The following KDM2B variants were observed in gnomAD, a reference collection of about 807,000 sequenced individuals.
KDM2B encodes the protein lysine demethylase 2B.
A neutral mutation model predicts 150.0 loss-of-function variants in KDM2B; 26 were observed. The ratio of observed to expected loss-of-function variants is 0.17; its 90% CI spans 0.13 to 0.24. KDM2B has a LOEUF of 0.24. Ranked by LOEUF, KDM2B falls within the 10% of genes least tolerant of loss-of-function variation. The pLI is 1.00. For synonymous variants in KDM2B, 734 were observed against 729.5 expected (o/e 1.01, Z -0.10); for missense variants, 1,265 against 1,816.9 (o/e 0.70, Z 5.52).
intron 11 of KDM2B, among the ~76,000 whole-genome samples, chr12:121,497,223 G>A (rs930232349): frequency 1.3e-5 from 2 of 152,204 alleles, no homozygotes; most frequent in African/African-American, 2.4e-5. Flanking sequence ...TTTATAAAGT[G>A]TCTTTATTCA....
At position 121,430,449 on chromosome 12, in the gene KDM2B, G is replaced by C; in HGVS notation, c.3850C>G (p.Gln1284Glu). The C allele has an allele frequency of 1.9e-6, 3 of 1,613,892 alleles. No homozygotes were observed. Among genetic ancestry groups the C allele is most frequent in the African/African-American group, 2.7e-5 (2 of 75,016 alleles). ...CAGCGTTTGAAGAAGGACAGGCACT[G>C]ATCAGTGACCTTATTGCAGTCTGCA... ...NLSDCNKVTD[Q>E]CLSFFKRCGN... The change falls in exon 23 of 23, where the codon CAG becomes GAG. Residue 1284 changes from glutamine (Q) to glutamate (E), a missense_variant. Around this residue, in one of 11 missense-constraint regions of KDM2B, gnomAD observed 251 missense variants for 397.8 expected, o/e 0.63. Transcript: ENST00000377071. This position sits in a 1 kb window ranked among gnomAD's most constrained non-coding sequence, Gnocchi z 4.4.
chr12:121,538,472 T>C (rs1180631375), intron 6 of KDM2B, among the ~76,000 whole-genome samples: 1 of 152,156 alleles, frequency 6.6e-6, no homozygotes, highest in Admixed American at 6.5e-5. Flanking sequence ...TTCCCCTCTC[T>C]GAACAGCATC....
At position 121,430,294 on chromosome 12, in the gene KDM2B, C is replaced by T; in HGVS notation, c.4005G>A (p.Leu1335=). The change falls in exon 23 of 23, where the codon CTG becomes CTA. Residue 1335 remains leucine (L), a synonymous_variant. Transcript: ENST00000377071. This position sits in a 1 kb window ranked among gnomAD's most constrained non-coding sequence, Gnocchi z 4.4. ...GQVEEKLLQK[L]S ...TTACATACTTATCCTTGGACTAACTCAGTTTTTGCAGGAGTTTTTCTTCTA... is the reference window on the plus strand; with the variant it reads ...TTACATACTTATCCTTGGACTAACTTAGTTTTTGCAGGAGTTTTTCTTCTA... 1 of 1,614,042 alleles carries T rather than the reference C, an allele frequency of 6.2e-7. No homozygotes were observed. Among genetic ancestry groups the T allele is most frequent in the Non-Finnish European group, 8.5e-7 (1 of 1,179,928 alleles).
intron 12 of KDM2B, among the ~76,000 whole-genome samples, chr12:121,491,558 C>T (rs1358688805): frequency 6.6e-6 from 1 of 151,778 alleles, no homozygotes; most frequent in Non-Finnish European, 1.5e-5. Context: ...TTTGGGAGGC[C>T]GAGGTGGGCA....
chr12:121,441,357 C>A, intron 19 of KDM2B, 124 bp from the exon 20 acceptor site: 1 of 883,212 alleles, frequency 1.1e-6, no homozygotes, highest in Non-Finnish European at 1.7e-6. Context: ...CGCTCTGGAC[C>A]CTTCTCTATG....
At chr12:121,581,172 G>A (rs1891943420), upstream of KDM2B, 1 of 403,860 alleles carries the variant, frequency 2.5e-6, no homozygotes, top group Admixed American at 4.5e-5. Context: ...AGGTTCTTGC[G>A]CTCGGCAAGG....
intron 10 of KDM2B, among the ~76,000 whole-genome samples, chr12:121,510,392 G>A (rs566041687): frequency 3.2e-4 from 48 of 152,132 alleles, no homozygotes; most frequent in Middle Eastern, 3.4e-3. Context: ...CCTCCTGCTG[G>A]TGCGCCCACC....
At chr12:121,447,059 T>TA (rs1209058859) in intron 13 of KDM2B, among the ~76,000 whole-genome samples, 4 of 151,916 alleles carry the variant, frequency 2.6e-5, no homozygotes, top group South Asian at 2.1e-4. Flanking sequence ...AACTAAACTT[T>TA]AAAAAAAACT....
In KDM2B at chr12:121,430,705, G is replaced by A. The variant is rs969484429; in HGVS notation, c.3830-236C>T. 15 of 570,970 alleles carry A rather than the reference G, an allele frequency of 2.6e-5. No individual in the cohort carries two copies. Among genetic ancestry groups the A allele is most frequent in the East Asian group, 1.7e-4 (6 of 36,100 alleles). 35.4% of individuals were successfully genotyped at this position (570,970 alleles called of 1,614,324 possible). A position where few individuals can be genotyped will look rare whatever the true frequency, so the allele number is the denominator to read the frequency against. Reference sequence around the variant, plus strand: ...GCCTCAAAAGCATTCAGATAACCACGTGAAAATCACTTCTGATTTACCACA... The same window carrying A: ...GCCTCAAAAGCATTCAGATAACCACATGAAAATCACTTCTGATTTACCACA... On this transcript the variant is annotated intron_variant, in intron 22 of 22. Transcript: ENST00000377071. This position sits in a 1 kb window ranked among gnomAD's most constrained non-coding sequence, Gnocchi z 4.4.
Position 121,430,324 on chromosome 12 carries a change from C to T in KDM2B, c.3975G>A (p.Gly1325=). ...TTTGCAGGAGTTTTTCTTCTACTTG[C>T]CCAAACTGGACACTCACAGACATCT... ...IAEMSVSVQF[G]QVEEKLLQKL... is the part of the protein sequence containing the mutation. Residue 1325 remains glycine (G), a synonymous_variant, in exon 23 of 23, where the codon GGG becomes GGA. Transcript: ENST00000377071. The surrounding 1 kb of genome is among the most constrained non-coding windows in gnomAD (Gnocchi z 4.4). 3 of 1,614,184 alleles carry T rather than the reference C, an allele frequency of 1.9e-6. No individual in the cohort carries two copies. Among genetic ancestry groups the T allele is most frequent in the Non-Finnish European group, 2.5e-6 (3 of 1,180,036 alleles).
In KDM2B at chr12:121,468,709, G is replaced by A. The variant is rs1880396041; in HGVS notation, c.1735-15365C>T. ...GCTGGTCCTGGCCTGGCCTTTCAAA[G>A]AAGGCAGGCTGTGTGCCGGAGACCT... is the stretch of plus-strand genomic sequence containing the variant. On this transcript the variant is annotated intron_variant, in intron 12 of 22. Transcript: ENST00000377071. This position sits in a 1 kb window ranked among gnomAD's most constrained non-coding sequence, Gnocchi z 4.0. 1 of 152,266 alleles carries A rather than the reference G, an allele frequency of 6.6e-6. No homozygotes were observed. Among genetic ancestry groups the A allele is most frequent in the Admixed American group, 6.5e-5 (1 of 15,288 alleles). The allele number at this position is 152,266 out of a possible 1,614,324, so 9.4% of individuals were successfully genotyped here. A position where few individuals can be genotyped will look rare whatever the true frequency, so the allele number is the denominator to read the frequency against.
intron 4 of KDM2B, among the ~76,000 whole-genome samples, chr12:121,559,409 C>T (rs1458263645): frequency 2.0e-5 from 3 of 152,132 alleles, no homozygotes; most frequent in African/African-American, 2.4e-5. Context: ...CTGGGCTTCA[C>T]GGACCTCCCC....
intron 9 of KDM2B, among the ~76,000 whole-genome samples, chr12:121,517,477 T>C (rs1483923077): frequency 6.6e-6 from 1 of 151,598 alleles, no homozygotes; most frequent in East Asian, 1.9e-4. Context: ...CTTTTCTTTT[T>C]TTTTTTTTTG....
At chr12:121,555,115 G>C (rs1313890984) in intron 4 of KDM2B, among the ~76,000 whole-genome samples, 1 of 152,178 alleles carries the variant, frequency 6.6e-6, no homozygotes, top group Non-Finnish European at 1.5e-5. Flanking sequence ...AGAGGCTACA[G>C]TGAGCAATGG....
At chr12:121,417,304 T>TC in the KDM2B span, among the ~76,000 whole-genome samples, 1 of 152,246 alleles carries the variant, frequency 6.6e-6, no homozygotes, top group African/African-American at 2.4e-5. This position sits in a 1 kb window ranked among gnomAD's most constrained non-coding sequence, Gnocchi z 5.0. Flanking sequence ...TATTAGAACT[T>TC]CTGTGAATCC....
chr12:121,526,963 C>T lies in KDM2B; in HGVS notation c.931+5843G>A, dbSNP rs1887190626. 2.0e-5 allele frequency among the ~76,000 whole-genome samples: 3 copies of T among 151,976 alleles called. No homozygotes were observed. In the South Asian group the frequency reaches 6.2e-4, roughly 32 times the overall value. ...AGGAGAATCACTTGAACCCAGGAGG[C>T]GGAGGTTGCAGTGAGCCGAGATCAT... On this transcript the variant is annotated intron_variant, in intron 8 of 22. Transcript: ENST00000377071.
At position 121,529,658 on chromosome 12, in the gene KDM2B, G is replaced by A. The variant is rs782419465; in HGVS notation, c.931+3148C>T. Among the ~76,000 whole-genome samples the A allele has an allele frequency of 3.9e-5, 6 of 152,052 alleles. No individual in the cohort carries two copies. In the South Asian group the frequency reaches 6.2e-4, roughly 16 times the overall value. ...AAATACTCATCTAGGGGCTGGGCGC[G>A]GTGGCTCATGTCTGTAATCCCAGCA... On this transcript the variant is annotated intron_variant, in intron 8 of 22. Coordinates refer to ENST00000377071, the MANE Select transcript of KDM2B (RefSeq NM_032590.5).
chr12:121,446,242 AAAG>A (rs1301482918), intron 13 of KDM2B, among the ~76,000 whole-genome samples: 1 of 152,124 alleles, frequency 6.6e-6, no homozygotes, highest in African/African-American at 2.4e-5. Flanking sequence ...AAAAATACAA[AAAG>A]AAATTAGCCG....
intron 8 of KDM2B, 67 bp downstream of exon 8, chr12:121,532,739 G>T: frequency 6.5e-7 from 1 of 1,541,628 alleles, no homozygotes. Context: ...AACCCTCAGG[G>T]GGCCTAAAAC....
Sources: gnomAD v4.1 joint callset for allele counts (sites outside exome capture counted in the v4.1 genomes callset) on GRCh38, gnomAD v4.1.1 for gene constraint, gnomAD v4.1.1 regional missense constraint, Gnocchi (gnomAD v3.1) non-coding constraint, MANE v1.5 for transcripts, NCBI Gene and HGNC (gene_info 2026-07-23, HGNC 2026-07-21) for gene names.